FAM20C: variants seen among roughly 807,000 people sequenced by gnomAD.
FAM20C encodes extracellular serine/threonine protein kinase FAM20C.
A neutral mutation model predicts 51.5 loss-of-function variants in FAM20C; 40 were observed. The observed-to-expected ratio is 0.78, with a 90% confidence interval of 0.60 to 1.01. The LOEUF is 1.01. FAM20C is among the 50% of genes least tolerant of loss of function. The probability of loss-of-function intolerance (pLI) is 0.00; values close to 1 mark genes in which losing one functional copy is unlikely to be tolerated. For missense variants in FAM20C, 861 were observed against 844.7 expected (o/e 1.02, Z -0.24); for synonymous variants, 406 against 380.6 (o/e 1.07, Z -0.78).
chr7:222,021 C>T (rs373931464), intron 3 of FAM20C, among the ~76,000 whole-genome samples: 13 of 72,184 alleles, frequency 1.8e-4, no homozygotes, highest in South Asian at 5.8e-4. Context: ...CTGCAGGAGC[C>T]GTTCTTAGCA....
At chr7:233,128 G>A (rs1261055204) in intron 3 of FAM20C, among the ~76,000 whole-genome samples, 1 of 152,230 alleles carries the variant, frequency 6.6e-6, no homozygotes, top group Non-Finnish European at 1.5e-5. Context: ...TCCAGACCTC[G>A]GTTTCCTTGT....
chr7:231,845 C>T (rs2084861121), intron 3 of FAM20C, among the ~76,000 whole-genome samples: 1 of 152,096 alleles, frequency 6.6e-6, no homozygotes, highest in Admixed American at 6.5e-5. Context: ...TGGTGTTTGA[C>T]CCACCCCTCT....
chr7:208,868 T>C (rs1225206683), intron 2 of FAM20C, 30 bp from the exon 3 acceptor site: 2 of 1,551,464 alleles, frequency 1.3e-6, no homozygotes, highest in Admixed American at 3.9e-5. Flanking sequence ...GGCCAGAGAG[T>C]GACCCTGTTT....
At chr7:234,373 C>T (rs1410254432) in intron 3 of FAM20C, among the ~76,000 whole-genome samples, 1 of 152,334 alleles carries the variant, frequency 6.6e-6, no homozygotes, top group Non-Finnish European at 1.5e-5. Flanking sequence ...TGAGGCTGGG[C>T]GTGGCCGGGT....
chr7:226,946 G>T (rs960489045), intron 3 of FAM20C, among the ~76,000 whole-genome samples: 2 of 152,142 alleles, frequency 1.3e-5, no homozygotes, highest in Admixed American at 1.3e-4. Flanking sequence ...TTACCGATGG[G>T]GAAGCTGAGG....
At chr7:214,196 A>AG (rs1583297663) in intron 3 of FAM20C, among the ~76,000 whole-genome samples, 1 of 152,020 alleles carries the variant, frequency 6.6e-6, no homozygotes, top group Non-Finnish European at 1.5e-5. Context: ...GTGGTGATGC[A>AG]TGCCTGTAAT....
At chr7:194,617 A>G (rs1009660898) in intron 1 of FAM20C, among the ~76,000 whole-genome samples, 3 of 152,166 alleles carry the variant, frequency 2.0e-5, no homozygotes, top group Non-Finnish European at 4.4e-5. Context: ...TTCTGTCTAA[A>G]CACACTGGCT....
At chr7:196,624 A>T (rs1040910336) in intron 2 of FAM20C, among the ~76,000 whole-genome samples, 5 of 152,220 alleles carry the variant, frequency 3.3e-5, no homozygotes, top group African/African-American at 7.2e-5. Flanking sequence ...AGTCCCAGGC[A>T]TTAGCTTCAT....
At chr7:201,262 T>A (rs567017841) in intron 2 of FAM20C, among the ~76,000 whole-genome samples, 1 of 152,306 alleles carries the variant, frequency 6.6e-6, no homozygotes, top group South Asian at 2.1e-4. Flanking sequence ...CTGGCCCTCT[T>A]GACGGACGAG....
In FAM20C at chr7:257,851, C is replaced by A. The variant is rs377169669; in HGVS notation, c.1445+765C>A. ...GGAGATGGGCAGGGTGGACCCACTGCCTGGGGTGCTGGAGATGGGGCTGGG... is the reference window on the plus strand; with the variant it reads ...GGAGATGGGCAGGGTGGACCCACTGACTGGGGTGCTGGAGATGGGGCTGGG... On this transcript the variant is annotated intron_variant, in intron 8 of 9. Coordinates refer to ENST00000313766, the MANE Select transcript of FAM20C (RefSeq NM_020223.4). Among the ~76,000 whole-genome samples the A allele has an allele frequency of 9.7e-3, 840 of 86,818 alleles. 20 individuals are homozygous for A. The highest frequency in any genetic ancestry group is 0.042 in the African/African-American group (703 of 16,786). The allele number at this position is 86,818 out of a possible 152,430, so 57.0% of individuals were successfully genotyped here. A position where few individuals can be genotyped will look rare whatever the true frequency, so the allele number is the denominator to read the frequency against.
At chr7:216,642 A>AGT (rs1188129467) in intron 3 of FAM20C, among the ~76,000 whole-genome samples, 3 of 133,406 alleles carry the variant, frequency 2.2e-5, no homozygotes, top group Admixed American at 7.1e-5. Context: ...AGTGTGTGTG[A>AGT]GTGTGTGTGA....
chr7:206,556 C>G lies in FAM20C; in HGVS notation c.785-2342C>G, dbSNP rs192133246. On this transcript the variant is annotated intron_variant, in intron 2 of 9. Transcript: ENST00000313766. Reference sequence around the variant, plus strand: ...GGCCCTGCACACGTGTCCACTGTGACGCGTCGGTCACTGTCCCCTCAGCCC... The same window carrying G: ...GGCCCTGCACACGTGTCCACTGTGAGGCGTCGGTCACTGTCCCCTCAGCCC... Among the ~76,000 whole-genome samples, 61 of 46,316 alleles carry G rather than the reference C, an allele frequency of 1.3e-3. 1 individual carries two copies. Among genetic ancestry groups the G allele is most frequent in the East Asian group, 8.3e-3 (9 of 1,086 alleles). 30.4% of individuals were successfully genotyped at this position (46,316 alleles called of 152,430 possible).
Position 193,478 on chromosome 7 carries a change from C to T in FAM20C, c.279C>T (p.Asp93=). ...AGCACACGCTCCGCATCCTGCAGGACTTCAGCTCCGACCCCTCCTCCAACC... is the reference window on the plus strand; with the variant it reads ...AGCACACGCTCCGCATCCTGCAGGATTTCAGCTCCGACCCCTCCTCCAACC... ...PNKHTLRILQ[D]FSSDPSSNLS... is the part of the protein sequence containing the mutation. Residue 93 remains aspartate, a synonymous_variant, in exon 1 of 10, where the codon GAC becomes GAT. Transcript: ENST00000313766. The T allele has an allele frequency of 6.7e-7, 1 of 1,498,200 alleles. No individual in the cohort carries two copies. The highest frequency in any genetic ancestry group is 8.9e-7 in the Non-Finnish European group (1 of 1,119,884). 92.8% of individuals were successfully genotyped at this position (1,498,200 alleles called of 1,614,324 possible).
chr7:250,512 G>A (rs1788354647), intron 5 of FAM20C, among the ~76,000 whole-genome samples: 1 of 152,224 alleles, frequency 6.6e-6, no homozygotes, highest in South Asian at 2.1e-4. Flanking sequence ...CTCCAGTGAT[G>A]GGGAACGCAT....
intron 3 of FAM20C, among the ~76,000 whole-genome samples, chr7:240,344 GTTGATAA>G (rs1787900343): frequency 0.033 from 11 of 334 alleles, no homozygotes; most frequent in South Asian, 0.12. Context: ...TGATTATGAT[GTTGATAA>G]AGGATGATAA....
At chr7:193,915 G>C in intron 1 of FAM20C, 111 bp downstream of exon 1, 1 of 1,397,608 alleles carries the variant, frequency 7.2e-7, no homozygotes, top group Non-Finnish European at 9.4e-7. Flanking sequence ...AGGCCGGGCA[G>C]GGAGTGTGGT....
At position 216,449 on chromosome 7, in the gene FAM20C, T is replaced by TGG. The variant is rs1399361016; in HGVS notation, c.863+7475_863+7476dup. Among the ~76,000 whole-genome samples the TGG allele has an allele frequency of 2.3e-5, 3 of 129,112 alleles. No individual in the cohort carries two copies. In the South Asian group the frequency reaches 8.0e-4, roughly 34 times the overall value. 84.7% of individuals were successfully genotyped at this position (129,112 alleles called of 152,430 possible). A position where few individuals can be genotyped will look rare whatever the true frequency, so the allele number is the denominator to read the frequency against. On this transcript the variant is annotated intron_variant, in intron 3 of 9. Coordinates refer to ENST00000313766, the MANE Select transcript of FAM20C (RefSeq NM_020223.4). ...CCCTGGTGTATGGAGAGGATGGGGCTGGGTGGGGAGCAGGGCCTCTGGTGG... is the reference window on the plus strand; with the variant it reads ...CCCTGGTGTATGGAGAGGATGGGGCTGGGGGTGGGGAGCAGGGCCTCTGGTGG...
In FAM20C at chr7:250,592, C is replaced by T. The variant is rs570903930; in HGVS notation, c.1072+2162C>T. Among the ~76,000 whole-genome samples the T allele has an allele frequency of 1.2e-4, 19 of 152,260 alleles. No individual in the cohort carries two copies. The South Asian group carries it at 2.5e-3, about 20-fold the overall frequency. On this transcript the variant is annotated intron_variant, in intron 5 of 9. Coordinates refer to ENST00000313766, the MANE Select transcript of FAM20C (RefSeq NM_020223.4). ...CCATCTTTTTTAAGGGGCTGAAACT[C>T]GCCTCCCCACCCTGGGAGTCCAGGG...
intron 3 of FAM20C, among the ~76,000 whole-genome samples, chr7:235,781 G>A (rs1017651997): frequency 0.24 from 35,863 of 152,156 alleles, 4,321 homozygotes; most frequent in East Asian, 0.31. Flanking sequence ...TGTCCCACTC[G>A]CTGGTAGTCT....
Sources: allele counts gnomAD v4.1 joint callset (sites outside exome capture counted in the v4.1 genomes callset), GRCh38; gene constraint gnomAD v4.1.1; transcripts MANE v1.5; gene names NCBI Gene and HGNC (gene_info 2026-07-23, HGNC 2026-07-21).